CPLANE1: variants seen among roughly 807,000 people sequenced by gnomAD.
CPLANE1 encodes the protein ciliogenesis and planar polarity effector 1.
In CPLANE1, 263 loss-of-function variants were observed where a neutral mutation model predicts 362.5. The observed-to-expected ratio is 0.73, with a 90% confidence interval of 0.66 to 0.80. The LOEUF is 0.80. Ranked by LOEUF, CPLANE1 falls within the 30% of genes least tolerant of loss-of-function variation. The pLI, the probability that CPLANE1 is intolerant of heterozygous loss-of-function variation, is 0.00. For missense variants in CPLANE1, 3,461 were observed against 3,793.4 expected (o/e 0.91, Z 2.30); for synonymous variants, 1,212 against 1,302.6 (o/e 0.93, Z 1.50).
At chr5:37,113,577 G>A (rs1759976912) in intron 51 of CPLANE1, among the ~76,000 whole-genome samples, 2 of 152,170 alleles carry the variant, frequency 1.3e-5, no homozygotes, top group African/African-American at 4.8e-5. Flanking sequence ...ATACATGGGG[G>A]AAAGAGTAGA....
intron 36 of CPLANE1, among the ~76,000 whole-genome samples, chr5:37,164,557 C>T (rs905791043): frequency 6.6e-6 from 1 of 152,166 alleles, no homozygotes; most frequent in Non-Finnish European, 1.5e-5. Flanking sequence ...TTTAATGTAA[C>T]GTTCCTAGGT....
intron 8 of CPLANE1, 29 bp downstream of exon 8, chr5:37,238,827 GA>G (rs781690549): frequency 2.4e-5 from 32 of 1,306,400 alleles, no homozygotes; most frequent in Admixed American, 8.3e-5. Flanking sequence ...AAGAAAAAAA[GA>G]AAAAAAAGAC....
chr5:37,143,270 A>G (rs1770363559), intron 43 of CPLANE1, among the ~76,000 whole-genome samples: 1 of 152,256 alleles, frequency 6.6e-6, no homozygotes, highest in Non-Finnish European at 1.5e-5. Flanking sequence ...AAAAATTACA[A>G]TTCACACAAA....
At chr5:37,206,561 T>C in intron 16 of CPLANE1, 136 bp from the exon 17 acceptor site, 1 of 625,214 alleles carries the variant, frequency 1.6e-6, no homozygotes, top group Non-Finnish European at 2.8e-6. Context: ...TGGGCTAAAG[T>C]AATACTCAAC....
chr5:37,158,661 G>T (rs1362036052), intron 38 of CPLANE1, among the ~76,000 whole-genome samples: 1 of 151,952 alleles, frequency 6.6e-6, no homozygotes, highest in Non-Finnish European at 1.5e-5. Flanking sequence ...AGTCATGCTT[G>T]TCTACTTTAG....
At position 37,167,210 on chromosome 5, in the gene CPLANE1, T is replaced by G. The variant is rs767764800; in HGVS notation, c.7237A>C (p.Lys2413Gln). The G allele has an allele frequency of 6.2e-7, 1 of 1,607,672 alleles. No homozygotes were observed. The highest frequency in any genetic ancestry group is 1.1e-5 in the South Asian group (1 of 88,894). ...HSHLSPENRC[K>Q]KTQLIPLENL... is the part of the protein sequence containing the mutation. ...TCAAGTGGGATAAGTTGTGTTTTTT[T>G]GCACTACAAGAAAGAAACAAAGCAT... Residue 2413 changes from lysine to glutamine, a missense_variant, in exon 35 of 53, where the codon AAA (lysine) becomes CAA (glutamine). By Grantham distance (53) the Lys-to-Gln change is moderately conservative. This residue lies in a region of CPLANE1 where 3,380 missense variants were observed against 3,666.1 expected (regional missense o/e 0.92). Coordinates refer to ENST00000651892, the MANE Select transcript of CPLANE1 (RefSeq NM_001384732.1).
At chr5:37,128,289 C>T (rs918521813) in intron 46 of CPLANE1, among the ~76,000 whole-genome samples, 2 of 152,130 alleles carry the variant, frequency 1.3e-5, no homozygotes, top group African/African-American at 4.8e-5. Context: ...ACTCTTACCA[C>T]CTGATAGCCT....
chr5:37,129,600 A>G (rs993624304), intron 46 of CPLANE1, among the ~76,000 whole-genome samples: 1 of 152,216 alleles, frequency 6.6e-6, no homozygotes, highest in Non-Finnish European at 1.5e-5. Flanking sequence ...TGACAAGACA[A>G]TTCACAAAAG....
intron 41 of CPLANE1, among the ~76,000 whole-genome samples, chr5:37,154,978 G>C (rs1447869867): frequency 6.6e-6 from 1 of 152,126 alleles, no homozygotes; most frequent in Non-Finnish European, 1.5e-5. Context: ...GTCACTCGAG[G>C]CTCCTCTCTT....
At chr5:37,129,778 T>G (rs564988414) in intron 46 of CPLANE1, among the ~76,000 whole-genome samples, 30 of 152,276 alleles carry the variant, frequency 2.0e-4, no homozygotes, top group African/African-American at 7.2e-4. Context: ...AAAGGGAACA[T>G]TTTTATACTG....
chr5:37,165,455 C>CA, intron 36 of CPLANE1, 84 bp downstream of exon 36: 1 of 1,321,190 alleles, frequency 7.6e-7, no homozygotes, highest in Admixed American at 2.2e-5. Flanking sequence ...AAGCTCCCAG[C>CA]AATCAGACTA....
In CPLANE1 at chr5:37,107,081, G is replaced by A. The variant is rs991722019; in HGVS notation, c.*521C>T. 2.0e-6 allele frequency: 2 copies of A among 985,294 alleles called. No homozygotes were observed. Among genetic ancestry groups the A allele is most frequent in the Admixed American group, 1.2e-4 (2 of 16,260 alleles). 61.0% of individuals were successfully genotyped at this position (985,294 alleles called of 1,614,324 possible). The stretch of plus-strand genomic sequence containing the variant: ...GCCTCCATGAAACTTTGCTTATTTA[G>A]AGATTCAGGGTTGGTAAAAGGTAGT... On this transcript the variant is annotated 3_prime_UTR_variant, in exon 53 of 53. Coordinates refer to ENST00000651892, the MANE Select transcript of CPLANE1 (RefSeq NM_001384732.1).
intron 6 of CPLANE1, among the ~76,000 whole-genome samples, chr5:37,242,711 GATA>G (rs1800819891): frequency 1.3e-5 from 2 of 152,154 alleles, no homozygotes; most frequent in African/African-American, 2.4e-5. Flanking sequence ...TGGATCAAAA[GATA>G]ATAATGTTTA....
At chr5:37,177,757 T>C in intron 29 of CPLANE1, 57 bp from the exon 30 acceptor site, 1 of 1,337,836 alleles carries the variant, frequency 7.5e-7, no homozygotes, top group Non-Finnish European at 1.1e-6. Flanking sequence ...GGTATTACTG[T>C]CTTGAGTATT....
chr5:37,154,794 A>G (rs144627613), intron 41 of CPLANE1, among the ~76,000 whole-genome samples: 1 of 152,142 alleles, frequency 6.6e-6, no homozygotes, highest in Non-Finnish European at 1.5e-5. Flanking sequence ...CCAAATCTAT[A>G]TGGCACTCTT....
chr5:37,133,607 T>A (rs545740243), intron 46 of CPLANE1, among the ~76,000 whole-genome samples: 3 of 151,954 alleles, frequency 2.0e-5, no homozygotes, highest in African/African-American at 7.3e-5. Flanking sequence ...ATGCTACTGA[T>A]TTTTGTACAT....
intron 18 of CPLANE1, among the ~76,000 whole-genome samples, chr5:37,204,549 G>A (rs78411858): frequency 0.11 from 17,384 of 151,966 alleles, 1,056 homozygotes; most frequent in Admixed American, 0.15. Context: ...GGTGAGAGTT[G>A]AAATAAATCA....
In CPLANE1 at chr5:37,138,853, A is replaced by G. The variant is rs1768695524; in HGVS notation, c.8664-5T>C. 2 of 1,595,868 alleles carry G rather than the reference A, an allele frequency of 1.3e-6. No individual in the cohort carries two copies. The highest frequency in any genetic ancestry group is 4.5e-5 in the East Asian group (2 of 44,600). ...TGGAGCGGATGTACTGAAACACTTCATTTGCAAATGTAATTTAAGAAATAT... is the reference window on the plus strand; with the variant it reads ...TGGAGCGGATGTACTGAAACACTTCGTTTGCAAATGTAATTTAAGAAATAT... On this transcript the variant is annotated splice_polypyrimidine_tract_variant and splice_region_variant and intron_variant, in intron 45 of 52. Coordinates refer to ENST00000651892, the MANE Select transcript of CPLANE1 (RefSeq NM_001384732.1).
At chr5:37,082,767 C>CAA in the CPLANE1 span, among the ~76,000 whole-genome samples, 17,488 of 125,544 alleles carry the variant, frequency 0.14, 1,195 homozygotes, top group Admixed American at 0.22. Context: ...CGTGGAAACC[C>CAA]AAAAAAAAAA....
Sources: allele counts gnomAD v4.1 joint callset (sites outside exome capture counted in the v4.1 genomes callset), GRCh38; gene constraint gnomAD v4.1.1; regional missense constraint gnomAD v4.1.1; transcripts MANE v1.5; gene names NCBI Gene and HGNC (gene_info 2026-07-23, HGNC 2026-07-21).